The following PALM2AKAP2 variants were observed in gnomAD, a reference collection of about 807,000 sequenced individuals.
PALM2AKAP2 encodes the protein PALM2-AKAP2 fusion protein.
In PALM2AKAP2, 37 loss-of-function variants were observed where a neutral mutation model predicts 71.5. The observed-to-expected ratio is 0.52, with a 90% CI of 0.40 to 0.68. PALM2AKAP2 has a LOEUF of 0.68. PALM2AKAP2 is among the 30% of genes least tolerant of loss of function. The pLI is 0.00. For missense variants in PALM2AKAP2, 1,224 were observed against 1,191.8 expected (o/e 1.03, Z -0.40); for synonymous variants, 468 against 478.8 (o/e 0.98, Z 0.29).
At chr9:109,995,897 A>C (rs991268383) in intron 6 of PALM2AKAP2, among the ~76,000 whole-genome samples, 1 of 152,222 alleles carries the variant, frequency 6.6e-6, no homozygotes, top group Non-Finnish European at 1.5e-5. Flanking sequence ...ACTTGCCATG[A>C]GGATGGAGAG....
chr9:110,121,012 G>A (rs1835474337), intron 1 of PALM2AKAP2, among the ~76,000 whole-genome samples: 1 of 152,124 alleles, frequency 6.6e-6, no homozygotes, highest in Non-Finnish European at 1.5e-5. Context: ...ATGTTCTTGT[G>A]GATTCTTCTC....
chr9:110,078,637 G>C (rs567122994), intron 1 of PALM2AKAP2, among the ~76,000 whole-genome samples: 120 of 152,284 alleles, frequency 7.9e-4, no homozygotes, highest in Non-Finnish European at 1.5e-3. Flanking sequence ...CTTGCACTGA[G>C]GGTAATTTCC....
chr9:109,711,370 T>C (rs1484423072), intron 1 of PALM2AKAP2, among the ~76,000 whole-genome samples: 1 of 152,230 alleles, frequency 6.6e-6, no homozygotes, highest in African/African-American at 2.4e-5. Context: ...CATAAAACCC[T>C]CATGAATCAT....
chr9:109,939,248 T>C (rs1178995443), intron 6 of PALM2AKAP2, among the ~76,000 whole-genome samples: 1 of 152,156 alleles, frequency 6.6e-6, no homozygotes, highest in African/African-American at 2.4e-5. Context: ...TGGATATACT[T>C]AACCTTTCCA....
At chr9:109,762,769 G>A (rs1213963064) in intron 1 of PALM2AKAP2, among the ~76,000 whole-genome samples, 1 of 152,232 alleles carries the variant, frequency 6.6e-6, no homozygotes, top group Non-Finnish European at 1.5e-5. Context: ...AAGGAAAATA[G>A]GAGAATGACA....
At chr9:109,755,300 G>T (rs1224306572) in intron 1 of PALM2AKAP2, among the ~76,000 whole-genome samples, 1 of 152,016 alleles carries the variant, frequency 6.6e-6, no homozygotes, top group Non-Finnish European at 1.5e-5. Context: ...GGTCCTGCCA[G>T]TTCCTCTTTC....
intron 6 of PALM2AKAP2, among the ~76,000 whole-genome samples, chr9:109,941,806 A>G (rs1052549742): frequency 1.3e-5 from 2 of 152,206 alleles, no homozygotes; most frequent in African/African-American, 4.8e-5. Flanking sequence ...AGACTGAGAG[A>G]CAGGGGCAAG....
chr9:109,851,206 C>CA (rs1376882715), intron 1 of PALM2AKAP2, among the ~76,000 whole-genome samples: 72 of 53,128 alleles, frequency 1.4e-3, no homozygotes, highest in East Asian at 3.2e-3. Context: ...ACAACAACAA[C>CA]AACAAAAAAA....
chr9:109,943,774 T>C (rs951115710), intron 6 of PALM2AKAP2: 4 of 196,810 alleles, frequency 2.0e-5, no homozygotes, highest in African/African-American at 4.7e-5. Context: ...GCACTGGGGG[T>C]TTCATTTTGT....
At chr9:109,731,189 G>A (rs1204681809) in intron 1 of PALM2AKAP2, among the ~76,000 whole-genome samples, 2 of 152,174 alleles carry the variant, frequency 1.3e-5, no homozygotes, top group African/African-American at 4.8e-5. Flanking sequence ...AGAGGAGATT[G>A]TGTCTTAATT....
chr9:109,750,733 C>T (rs959672758), intron 1 of PALM2AKAP2, among the ~76,000 whole-genome samples: 2 of 152,050 alleles, frequency 1.3e-5, no homozygotes, highest in Admixed American at 1.3e-4. Flanking sequence ...ATGATAGCTA[C>T]TTGGATCTAG....
intron 3 of PALM2AKAP2, among the ~76,000 whole-genome samples, chr9:109,918,753 C>T (rs1044829881): frequency 6.6e-6 from 1 of 152,256 alleles, no homozygotes; most frequent in African/African-American, 2.4e-5. Context: ...ACCACACCCT[C>T]AGAGCCTGGC....
intron 1 of PALM2AKAP2, among the ~76,000 whole-genome samples, chr9:109,828,671 T>G (rs1179954867): frequency 6.6e-6 from 1 of 152,236 alleles, no homozygotes; most frequent in Non-Finnish European, 1.5e-5. Context: ...TACTATTATT[T>G]TACAAAATGG....
intron 1 of PALM2AKAP2, among the ~76,000 whole-genome samples, chr9:109,852,031 A>C: frequency 6.6e-6 from 1 of 152,214 alleles, no homozygotes; most frequent in East Asian, 1.9e-4. Flanking sequence ...TAGGTAAAAC[A>C]AAGTGGTTCT....
chr9:110,095,133 T>A (rs888055679), intron 1 of PALM2AKAP2, among the ~76,000 whole-genome samples: 5 of 152,208 alleles, frequency 3.3e-5, no homozygotes, highest in Non-Finnish European at 7.3e-5. Flanking sequence ...TAAGTCCCCT[T>A]TTTGACGGCT....
intron 6 of PALM2AKAP2, among the ~76,000 whole-genome samples, chr9:110,014,807 TATATATA>T (rs1832949144): frequency 3.2e-4 from 1 of 3,174 alleles, no homozygotes; most frequent in South Asian, 0.01. Flanking sequence ...AAAAAAAATG[TATATATA>T]TATATATATA....
intron 2 of PALM2AKAP2, among the ~76,000 whole-genome samples, chr9:109,869,185 A>G (rs1829537269): frequency 6.6e-6 from 1 of 152,184 alleles, no homozygotes. Context: ...GGGAATAAAC[A>G]TATGTCAAAA....
In PALM2AKAP2 at chr9:109,925,167, G is replaced by T. The variant is rs78599980; in HGVS notation, c.394+85G>T. The T allele has an allele frequency of 2.9e-3, 4,681 of 1,592,596 alleles. 178 individuals are homozygous for T. The East Asian group carries it at 0.088, about 30-fold the overall frequency. ...TTCATTAACAGGGGCTTAAGGAAGA[G>T]GTACTGTGTTGATTTGTAAAGGCAT... is the stretch of plus-strand genomic sequence containing the variant. On this transcript the variant is annotated intron_variant, in intron 5 of 9. Transcript: ENST00000302798.
intron 1 of PALM2AKAP2, among the ~76,000 whole-genome samples, chr9:109,805,713 A>T (rs1165789645): frequency 2.0e-5 from 3 of 152,216 alleles, no homozygotes; most frequent in South Asian, 2.1e-4. Context: ...GACTGAATAG[A>T]TACTTGGTAT....
Sources: gnomAD v4.1 joint callset for allele counts (sites outside exome capture counted in the v4.1 genomes callset) on GRCh38, gnomAD v4.1.1 for gene constraint, MANE v1.5 for transcripts, NCBI Gene and HGNC (gene_info 2026-07-23, HGNC 2026-07-21) for gene names.